The following RBMS2 variants were observed in gnomAD, a reference collection of about 807,000 sequenced individuals.
The protein encoded by RBMS2 is RNA binding motif single stranded interacting protein 2, also known as RNA-binding motif, single-stranded-interacting protein 2.
Under a neutral mutation model 58.4 loss-of-function variants are expected in RBMS2, and 38 were observed. The ratio of observed to expected loss-of-function variants is 0.65; its 90% CI spans 0.50 to 0.85. The LOEUF (loss-of-function observed/expected upper bound fraction) is 0.85. Among genes scored for constraint, RBMS2 ranks in the 40% least tolerant of loss-of-function variants. The pLI is 0.00. For synonymous variants in RBMS2, 151 were observed against 180.7 expected (o/e 0.84, Z 1.32); for missense variants, 367 against 503.7 (o/e 0.73, Z 2.60).
In RBMS2 at chr12:56,589,334, G is replaced by T; in HGVS notation, c.*201G>T. On this transcript the variant is annotated 3_prime_UTR_variant, in exon 14 of 14. Coordinates refer to ENST00000262031, the MANE Select transcript of RBMS2 (RefSeq NM_002898.4). ...CCTGCCCTTTACTATTGCTGATGGA[G>T]CCTGGGGGAACCATCACTTTTTTTG... is the stretch of plus-strand genomic sequence containing the variant. 5 of 1,259,184 alleles carry T rather than the reference G, an allele frequency of 4.0e-6. No individual in the cohort carries two copies. Among genetic ancestry groups the T allele is most frequent in the Non-Finnish European group, 5.1e-6 (5 of 980,792 alleles). The allele number at this position is 1,259,184 out of a possible 1,614,324, so 78.0% of individuals were successfully genotyped here.
At chr12:56,546,397 A>G (rs867300356) in intron 1 of RBMS2, among the ~76,000 whole-genome samples, 6 of 146,716 alleles carry the variant, frequency 4.1e-5, no homozygotes, top group Middle Eastern at 3.6e-3. Context: ...TATAATGTAT[A>G]ATATATTGTA....
At position 56,575,168 on chromosome 12, in the gene RBMS2, C is replaced by CA. The variant is rs918283780; in HGVS notation, c.542+3322dup. On this transcript the variant is annotated intron_variant, in intron 5 of 13. Coordinates refer to ENST00000262031, the MANE Select transcript of RBMS2 (RefSeq NM_002898.4). ...CTGGGCAACAGAGTGAGACTCGTCT[C>CA]AAAAAAAAACCCGACTTTGGGAGGC... is the stretch of plus-strand genomic sequence containing the variant. 9.3e-5 allele frequency among the ~76,000 whole-genome samples: 14 copies of CA among 149,760 alleles called. No homozygotes were observed. The East Asian group carries it at 1.4e-3, about 15-fold the overall frequency.
intron 12 of RBMS2, chr12:56,588,681 C>T: frequency 1.7e-6 from 1 of 591,320 alleles, no homozygotes; most frequent in Non-Finnish European, 3.0e-6. Context: ...GAATGAGGCC[C>T]TTCCTTACAT....
chr12:56,525,242 G>A (rs1004594240), intron 1 of RBMS2, among the ~76,000 whole-genome samples: 1 of 151,762 alleles, frequency 6.6e-6, no homozygotes, highest in Non-Finnish European at 1.5e-5. Context: ...TTTATTTTGA[G>A]ACAGAGTCTT....
Position 56,587,631 on chromosome 12 carries a change from A to G in RBMS2, c.1029A>G (p.Gln343=), listed in dbSNP as rs1455425287. The change falls in exon 11 of 14, where the codon CAA becomes CAG. Residue 343 remains glutamine (Q), a synonymous_variant. Coordinates refer to ENST00000262031, the MANE Select transcript of RBMS2 (RefSeq NM_002898.4). ...PASMMGPLTQ[Q]LGHLSLSSTG... is the part of the protein sequence containing the mutation. ...CCATGATGGGACCCCTTACCCAGCA[A>G]CTGGGCCATCTCTCCCTCAGCAGCA... 3.1e-6 allele frequency: 5 copies of G among 1,613,830 alleles called. No individual in the cohort carries two copies. Among genetic ancestry groups the G allele is most frequent in the East Asian group, 4.5e-5 (2 of 44,876 alleles).
intron 1 of RBMS2, among the ~76,000 whole-genome samples, chr12:56,533,537 T>G (rs112605581): frequency 0.02 from 2,981 of 149,656 alleles, 113 homozygotes; most frequent in African/African-American, 0.069. Flanking sequence ...TGTCTCAGCC[T>G]TCTGAGTAGG....
chr12:56,521,146 T>C (rs1188254742), upstream of RBMS2, among the ~76,000 whole-genome samples: 1 of 152,106 alleles, frequency 6.6e-6, no homozygotes, highest in Non-Finnish European at 1.5e-5. Flanking sequence ...TCACTATAAA[T>C]GGGCCAGGGG....
At chr12:56,539,938 G>A (rs2657903) in intron 1 of RBMS2, among the ~76,000 whole-genome samples, 90,622 of 151,964 alleles carry the variant, frequency 0.6, 27,634 homozygotes, top group East Asian at 0.72. Context: ...GCTTTTAACC[G>A]TGTGCTCCCT....
chr12:56,588,829 G>A (rs1399845043), intron 12 of RBMS2, 103 bp from the exon 13 acceptor site: 1 of 1,073,072 alleles, frequency 9.3e-7, no homozygotes, highest in Non-Finnish European at 1.4e-6. Context: ...GAGTGGGTAG[G>A]TTTGGGAGGG....
chr12:56,558,790 GGGTTTCACCA>G (rs1879809719), intron 1 of RBMS2, among the ~76,000 whole-genome samples: 2 of 151,628 alleles, frequency 1.3e-5, no homozygotes, highest in African/African-American at 4.8e-5. Flanking sequence ...TATAGATGTG[GGGTTTCACCA>G]GGTTGCCCAG....
intron 4 of RBMS2, among the ~76,000 whole-genome samples, chr12:56,570,494 T>A (rs750270463): frequency 6.6e-6 from 1 of 152,234 alleles, no homozygotes; most frequent in Non-Finnish European, 1.5e-5. Flanking sequence ...ACTGTTGTCT[T>A]CACCTAGACT....
At chr12:56,549,564 T>A (rs1877859380) in intron 1 of RBMS2, among the ~76,000 whole-genome samples, 1 of 152,164 alleles carries the variant, frequency 6.6e-6, no homozygotes. Flanking sequence ...TTTCTTTTTC[T>A]GGGTGAAAGA....
At chr12:56,577,456 AATTATTATTATTATTATT>A (rs138810999) in intron 5 of RBMS2, among the ~76,000 whole-genome samples, 3 of 145,728 alleles carry the variant, frequency 2.1e-5, no homozygotes, top group African/African-American at 7.6e-5. Context: ...GTTCATACAA[AATTATTATTATTATTATT>A]ATTATTATTA....
intron 1 of RBMS2, among the ~76,000 whole-genome samples, chr12:56,548,425 C>A (rs1323142776): frequency 8.9e-6 from 1 of 112,324 alleles, no homozygotes; most frequent in Non-Finnish European, 2.0e-5. Context: ...CCAGCCTGGG[C>A]AACAGAGTAA....
At chr12:56,584,749 C>T (rs1477032574) in intron 9 of RBMS2, among the ~76,000 whole-genome samples, 3 of 151,622 alleles carry the variant, frequency 2.0e-5, no homozygotes, top group Non-Finnish European at 2.9e-5. Flanking sequence ...CGCGCCACTG[C>T]ACTCCAGCCT....
chr12:56,546,678 A>G (rs1218741383), intron 1 of RBMS2, among the ~76,000 whole-genome samples: 1 of 151,812 alleles, frequency 6.6e-6, no homozygotes, highest in African/African-American at 2.4e-5. Flanking sequence ...CATGTTGGCC[A>G]GGCTGGTCTT....
intron 1 of RBMS2, among the ~76,000 whole-genome samples, chr12:56,535,040 T>A (rs1057309521): frequency 1.3e-5 from 2 of 152,174 alleles, no homozygotes; most frequent in East Asian, 1.9e-4. Flanking sequence ...ATTTGACTTA[T>A]GGAATGCCAC....
chr12:56,587,772 T>C, intron 11 of RBMS2, 108 bp downstream of exon 11: 1 of 1,394,216 alleles, frequency 7.2e-7, no homozygotes, highest in Non-Finnish European at 9.7e-7. Flanking sequence ...TACTTCAGTG[T>C]CATCCGGGGC....
At chr12:56,525,099 A>G (rs113239686) in intron 1 of RBMS2, among the ~76,000 whole-genome samples, 4 of 151,948 alleles carry the variant, frequency 2.6e-5, no homozygotes, top group African/African-American at 4.8e-5. Context: ...AAACTATAGC[A>G]TTATTACGTT....
Sources: gnomAD v4.1 joint callset for allele counts (sites outside exome capture counted in the v4.1 genomes callset) on GRCh38, gnomAD v4.1.1 for gene constraint, MANE v1.5 for transcripts, NCBI Gene and HGNC (gene_info 2026-07-23, HGNC 2026-07-21) for gene names.